Variants in FAM118A observed in about 807,000 individuals in gnomAD.
The protein encoded by FAM118A is protein FAM118A.
FAM118A carries 25 observed loss-of-function variants against 38.2 expected under a neutral mutation model. The observed-to-expected ratio is 0.65, with a 90% confidence interval of 0.48 to 0.91. The LOEUF is 0.91. Ranked by LOEUF, FAM118A falls within the 40% of genes least tolerant of loss-of-function variation. The probability of loss-of-function intolerance (pLI) is 0.00; values close to 1 mark genes in which losing one functional copy is unlikely to be tolerated. For synonymous variants in FAM118A, 178 were observed against 184.1 expected (o/e 0.97, Z 0.27); for missense variants, 425 against 463.3 (o/e 0.92, Z 0.76).
chr22:45,318,397 C>A (rs148170339), intron 1 of FAM118A: 114 of 152,272 alleles, frequency 7.5e-4, no homozygotes, highest in African/African-American at 2.6e-3. Context: ...GATGCAGCGT[C>A]TGAAAGGCCT....
chr22:45,324,677 C>T (rs144554309), intron 3 of FAM118A, among the ~76,000 whole-genome samples: 2,149 of 152,324 alleles, frequency 0.014, 15 homozygotes, highest in Non-Finnish European at 0.02. Context: ...ACGTATAGTA[C>T]GTGGCTGCTT....
chr22:45,339,824 C>T (rs9626310), intron 8 of FAM118A, among the ~76,000 whole-genome samples: 1,718 of 152,294 alleles, frequency 0.011, 30 homozygotes, highest in African/African-American at 0.039. Context: ...GGGCCTACTG[C>T]CTGGTAGACC....
intron 1 of FAM118A, among the ~76,000 whole-genome samples, chr22:45,317,863 C>T (rs868853025): frequency 6.6e-6 from 1 of 152,118 alleles, no homozygotes; most frequent in African/African-American, 2.4e-5. Flanking sequence ...AAGGGTGTGT[C>T]GGACTTGTAC....
intron 7 of FAM118A, 110 bp from the exon 8 acceptor site, chr22:45,336,218 T>C: frequency 1.4e-6 from 1 of 736,932 alleles, no homozygotes; most frequent in South Asian, 1.9e-5. Flanking sequence ...TCATCTCTAG[T>C]GGATGGCAGG....
At chr22:45,317,321 C>G (rs951599764) in intron 1 of FAM118A, among the ~76,000 whole-genome samples, 1 of 152,106 alleles carries the variant, frequency 6.6e-6, no homozygotes, top group Non-Finnish European at 1.5e-5. Context: ...GGAGGTTGCA[C>G]CAAGCCGAGA....
chr22:45,335,199 C>A, intron 6 of FAM118A, 151 bp from the exon 7 acceptor site: 2 of 732,178 alleles, frequency 2.7e-6, no homozygotes, highest in Non-Finnish European at 4.6e-6. Context: ...GTGAGGGCAG[C>A]GAGCAGCGCA....
intron 1 of FAM118A, among the ~76,000 whole-genome samples, chr22:45,311,485 G>A (rs1402483627): frequency 3.9e-5 from 6 of 152,202 alleles, no homozygotes; most frequent in Admixed American, 6.5e-5. Context: ...GAAGTGTCTC[G>A]CTAGAGACCT....
intron 1 of FAM118A, among the ~76,000 whole-genome samples, chr22:45,316,769 G>A (rs1358425810): frequency 2.0e-5 from 3 of 152,244 alleles, no homozygotes; most frequent in Non-Finnish European, 2.9e-5. Context: ...ATAGCCTACT[G>A]TGTTGCCGGG....
intron 1 of FAM118A, chr22:45,322,012 T>A (rs879223194): frequency 6.4e-5 from 23 of 358,704 alleles, no homozygotes; most frequent in Middle Eastern, 5.3e-4. Context: ...ATAAGTCATC[T>A]GTGTTCATGT....
At chr22:45,309,726 C>A (rs2084280629), upstream of FAM118A, 1 of 152,262 alleles carries the variant, frequency 6.6e-6, no homozygotes, top group African/African-American at 2.4e-5. Flanking sequence ...ACCGCGCCTG[C>A]GCTGGAGACC....
In FAM118A at chr22:45,332,580, C is replaced by G. The variant is rs766924532; in HGVS notation, c.807C>G (p.Asp269Glu). The G allele has an allele frequency of 2.5e-6, 4 of 1,614,092 alleles. No homozygotes were observed. The highest frequency in any genetic ancestry group is 2.2e-5 in the South Asian group (2 of 91,076). The change falls in exon 6 of 9, where the codon GAC becomes GAG. Residue 269 changes from aspartate to glutamate, a missense_variant. By Grantham distance (45) the Asp-to-Glu change is conservative. Coordinates refer to ENST00000441876, the MANE Select transcript of FAM118A (RefSeq NM_017911.4). ...TGCTTGTGCTGAAGGAGAATGAAGA[C>G]CATTTCTTTAAGCATCAGGCAGATA... ...HYMLVLKENEDHFFKHQADML... is the reference protein window; with the variant it reads ...HYMLVLKENEEHFFKHQADML...
At chr22:45,337,892 C>CCGTCT (rs2086218679) in intron 8 of FAM118A, 1 of 985,142 alleles carries the variant, frequency 1.0e-6, no homozygotes, top group Admixed American at 6.2e-5. Context: ...CGTTGTGATT[C>CCGTCT]CCCCGGACTC....
rs2085806212 is a variant in FAM118A at position 45,332,694 on chromosome 22, C to T, written c.921C>T (p.Cys307=). Reference sequence around the variant, plus strand: ...TGCAAGACCTTGCCACTCAGATCTGCAAACAGCAAAGCCCAGGTATGGGAT... The same window carrying T: ...TGCAAGACCTTGCCACTCAGATCTGTAAACAGCAAAGCCCAGGTATGGGAT... ...GYVQDLATQI[C]KQQSPDADRV... The change falls in exon 6 of 9, where the codon TGC becomes TGT. Residue 307 remains cysteine (C), a synonymous_variant. Coordinates refer to ENST00000441876, the MANE Select transcript of FAM118A (RefSeq NM_017911.4). 4 of 1,602,690 alleles carry T rather than the reference C, an allele frequency of 2.5e-6. No individual in the cohort carries two copies. The African/African-American group carries it at 4.0e-5, about 16-fold the overall frequency.
intron 2 of FAM118A, 100 bp from the exon 3 acceptor site, chr22:45,323,075 G>GTT: frequency 1.6e-6 from 2 of 1,275,680 alleles, no homozygotes; most frequent in Admixed American, 1.9e-5. Flanking sequence ...GTGTGTGTGT[G>GTT]TACACAGCAC....
chr22:45,328,743 A>C, intron 4 of FAM118A: 1 of 460,236 alleles, frequency 2.2e-6, no homozygotes, highest in Non-Finnish European at 4.0e-6. Flanking sequence ...AGATCACTGT[A>C]CTCCAGCCTG....
rs1176120691 is a variant in FAM118A, at chr22:45,322,143, A to G, written c.-9-228A>G. ...GTTTTCCTTCTGTGCTGTCCCGTGT[A>G]GAACAGCGAGAGTCCAACCAGCCTG... On this transcript the variant is annotated intron_variant, in intron 1 of 8. Coordinates refer to ENST00000441876, the MANE Select transcript of FAM118A (RefSeq NM_017911.4). 4.8e-6 allele frequency: 7 copies of G among 1,465,998 alleles called. 1 individual carries two copies. The South Asian group carries it at 8.6e-5, about 18-fold the overall frequency. 90.8% of individuals were successfully genotyped at this position (1,465,998 alleles called of 1,614,324 possible). A position where few individuals can be genotyped will look rare whatever the true frequency, so the allele number is the denominator to read the frequency against.
upstream of FAM118A, chr22:45,309,595 T>C (rs1414318323): frequency 1.3e-5 from 2 of 152,344 alleles, no homozygotes; most frequent in African/African-American, 4.8e-5. Context: ...CCCTGCAAAG[T>C]GCTCCCGCCC....
rs546912323 is a variant in FAM118A at position 45,317,857 on chromosome 22, G to A, written c.-9-4514G>A. Reference sequence around the variant, plus strand: ...ACCGGGACAGGCTCTGTCGTAAAGGGTGTGTCGGACTTGTACTTGCTTCCC... The same window carrying A: ...ACCGGGACAGGCTCTGTCGTAAAGGATGTGTCGGACTTGTACTTGCTTCCC... On this transcript the variant is annotated intron_variant, in intron 1 of 8. Transcript: ENST00000441876. 3.9e-5 allele frequency among the ~76,000 whole-genome samples: 6 copies of A among 152,300 alleles called. 1 individual carries two copies. The highest frequency in any genetic ancestry group is 1.2e-4 in the African/African-American group (5 of 41,558).
intron 7 of FAM118A, among the ~76,000 whole-genome samples, chr22:45,335,896 A>G (rs2146713617): frequency 6.6e-6 from 1 of 152,370 alleles, no homozygotes; most frequent in Non-Finnish European, 1.5e-5. Context: ...GCTGGGCACC[A>G]GGTGCCTCCC....
Sources: allele counts gnomAD v4.1 joint callset (sites outside exome capture counted in the v4.1 genomes callset), GRCh38; gene constraint gnomAD v4.1.1; transcripts MANE v1.5; gene names NCBI Gene and HGNC (gene_info 2026-07-23, HGNC 2026-07-21).